Variants in PEX7 observed in about 807,000 individuals in gnomAD.
The protein encoded by PEX7 is peroxisomal biogenesis factor 7, also known as PTS2 receptor.
Under a neutral mutation model 47.5 loss-of-function variants are expected in PEX7, and 34 were observed. That is an observed-to-expected ratio of 0.72 (90% CI 0.54 to 0.95). The LOEUF (loss-of-function observed/expected upper bound fraction) is 0.95, where lower values mean the gene tolerates loss of function less well. Among genes scored for constraint, PEX7 ranks in the 40% least tolerant of loss-of-function variants. The pLI is 0.00. For missense variants in PEX7, 394 were observed against 400.3 expected, an observed-to-expected ratio of 0.98 and a Z score of 0.13; for synonymous variants, 141 against 148.8, an observed-to-expected ratio of 0.95 and a Z score of 0.38.
At position 136,822,670 on chromosome 6, in the gene PEX7, G is replaced by A; in HGVS notation, c.5G>A (p.Ser2Asn). Residue 2 changes from serine (S) to asparagine (N), a missense_variant, in exon 1 of 10, where the codon AGT becomes AAT. Coordinates refer to ENST00000318471, the MANE Select transcript of PEX7 (RefSeq NM_000288.4). ...GGGCCGGGGGCGGCGGGCGGGATGAGTGCGGTGTGCGGTGGAGCGGCGCGG... is the reference window on the plus strand; with the variant it reads ...GGGCCGGGGGCGGCGGGCGGGATGAATGCGGTGTGCGGTGGAGCGGCGCGG... Reference protein sequence around the residue: MSAVCGGAARML... With the variant: MNAVCGGAARML... The A allele has an allele frequency of 1.3e-6, 2 of 1,525,172 alleles. No homozygotes were observed. Among genetic ancestry groups the A allele is most frequent in the African/African-American group, 2.8e-5 (2 of 71,726 alleles). The allele number at this position is 1,525,172 out of a possible 1,614,324, so 94.5% of individuals were successfully genotyped here. A position where few individuals can be genotyped will look rare whatever the true frequency, so the allele number is the denominator to read the frequency against.
intron 8 of PEX7, among the ~76,000 whole-genome samples, chr6:136,891,891 C>T (rs985926181): frequency 2.6e-5 from 4 of 152,146 alleles, no homozygotes; most frequent in East Asian, 1.9e-4. Context: ...GTGATCCACC[C>T]GCCTTGCCCT....
In PEX7 at chr6:136,913,509, C is replaced by G. The variant is rs1041849205; in HGVS notation, c.955C>G (p.Leu319Val). Residue 319 changes from leucine to valine, a missense_variant, in exon 10 of 10, where the codon CTT becomes GTT. Leu to Val is a conservative substitution (Grantham distance 32, BLOSUM62 1). Transcript: ENST00000318471. ...ETIKIYDPAC[L>V]TIPA is the part of the protein sequence containing the mutation. ...AATAAAGATCTATGACCCTGCTTGT[C>G]TTACTATTCCTGCTTGAGATACACT... 6.2e-7 allele frequency: 1 copy of G among 1,610,916 alleles called. No individual in the cohort carries two copies. Among genetic ancestry groups the G allele is most frequent in the Non-Finnish European group, 8.5e-7 (1 of 1,177,452 alleles).
At chr6:136,907,540 G>C (rs559901331) in intron 9 of PEX7, among the ~76,000 whole-genome samples, 1 of 150,616 alleles carries the variant, frequency 6.6e-6, no homozygotes, top group African/African-American at 2.4e-5. Flanking sequence ...ATTCATTTTT[G>C]CTAAAGAGGC....
chr6:136,833,953 C>A (rs1774339534), intron 3 of PEX7, among the ~76,000 whole-genome samples: 1 of 152,184 alleles, frequency 6.6e-6, no homozygotes, highest in Non-Finnish European at 1.5e-5. Flanking sequence ...GTGCTGTTCT[C>A]TGATTGTAGT....
intron 1 of PEX7, chr6:136,823,433 C>T (rs1257496906): frequency 2.3e-6 from 2 of 867,510 alleles, no homozygotes; most frequent in African/African-American, 1.8e-5. Flanking sequence ...TTGGCTCAGC[C>T]TGTGGTTAAA....
At chr6:136,857,205 A>G (rs1774876472) in intron 5 of PEX7, among the ~76,000 whole-genome samples, 2 of 152,248 alleles carry the variant, frequency 1.3e-5, no homozygotes, top group Non-Finnish European at 2.9e-5. Flanking sequence ...AAGCAAATGC[A>G]GTGCTTAGAT....
At chr6:136,835,482 T>G (rs1050762286) in intron 3 of PEX7, among the ~76,000 whole-genome samples, 2 of 151,936 alleles carry the variant, frequency 1.3e-5, no homozygotes, top group African/African-American at 4.8e-5. Flanking sequence ...AGAGACAGGA[T>G]TTCACCATGT....
chr6:136,844,098 C>A (rs1774552053), intron 3 of PEX7, among the ~76,000 whole-genome samples: 1 of 152,158 alleles, frequency 6.6e-6, no homozygotes, highest in Non-Finnish European at 1.5e-5. Flanking sequence ...GGCACGGTGG[C>A]TCATGCCTGT....
At chr6:136,883,114 A>T (rs551008085) in intron 8 of PEX7, among the ~76,000 whole-genome samples, 1 of 152,348 alleles carries the variant, frequency 6.6e-6, no homozygotes, top group Non-Finnish European at 1.5e-5. Flanking sequence ...TAAGGAATTC[A>T]TGTGAAGTAA....
chr6:136,883,135 T>C (rs894941606), intron 8 of PEX7, among the ~76,000 whole-genome samples: 2 of 152,192 alleles, frequency 1.3e-5, no homozygotes, highest in Non-Finnish European at 2.9e-5. Flanking sequence ...AAAAGAAACA[T>C]CCCTAACCTA....
intron 5 of PEX7, among the ~76,000 whole-genome samples, chr6:136,859,162 A>G (rs1774914655): frequency 6.6e-6 from 1 of 152,234 alleles, no homozygotes; most frequent in Admixed American, 6.5e-5. Flanking sequence ...ATAGTTTTGC[A>G]AATCTAGCAT....
chr6:136,865,352 G>T (rs1775043926), intron 5 of PEX7, among the ~76,000 whole-genome samples: 1 of 152,260 alleles, frequency 6.6e-6, no homozygotes, highest in South Asian at 2.1e-4. Flanking sequence ...GGGTTGGAGT[G>T]CAGTGGCACA....
rs547144185 is a variant in PEX7, at chr6:136,888,189, GGTCA to G, written c.804-9947_804-9944del. 1.9e-3 allele frequency among the ~76,000 whole-genome samples: 295 copies of G among 152,186 alleles called. 1 individual carries two copies. The highest frequency in any genetic ancestry group is 4.3e-3 in the African/African-American group (177 of 41,540). The stretch of plus-strand genomic sequence containing the variant: ...CTAGTCCCCGTTACCAACAAAAAAA[GGTCA>G]GTCAGAGTAAACAGATAAGAAATGT... On this transcript the variant is annotated intron_variant, in intron 8 of 9. Coordinates refer to ENST00000318471, the MANE Select transcript of PEX7 (RefSeq NM_000288.4).
At chr6:136,896,945 G>A (rs924559135) in intron 8 of PEX7, among the ~76,000 whole-genome samples, 2 of 152,196 alleles carry the variant, frequency 1.3e-5, no homozygotes, top group Non-Finnish European at 2.9e-5. Context: ...TGCAAAGACA[G>A]TGGAGACCAC....
intron 8 of PEX7, among the ~76,000 whole-genome samples, chr6:136,878,836 T>G (rs772037975): frequency 6.6e-6 from 1 of 151,314 alleles, no homozygotes; most frequent in Non-Finnish European, 1.5e-5. Context: ...TTTGCTATGT[T>G]TCTGTGTGTG....
intron 8 of PEX7, among the ~76,000 whole-genome samples, chr6:136,879,794 CT>C (rs1775345179): frequency 6.6e-6 from 1 of 151,770 alleles, no homozygotes; most frequent in Admixed American, 6.6e-5. Flanking sequence ...CTGTCTGATA[CT>C]TTTTCCTTCT....
At chr6:136,869,571 C>T (rs769649965) in intron 6 of PEX7, among the ~76,000 whole-genome samples, 5 of 152,128 alleles carry the variant, frequency 3.3e-5, no homozygotes, top group Non-Finnish European at 5.9e-5. Context: ...TTTTTAATCC[C>T]CTATGTATTT....
rs773985421 is a variant in PEX7, at chr6:136,913,575, T to C, written c.*49T>C. On this transcript the variant is annotated 3_prime_UTR_variant, in exon 10 of 10. Coordinates refer to ENST00000318471, the MANE Select transcript of PEX7 (RefSeq NM_000288.4). Reference sequence around the variant, plus strand: ...AGAGGATGTTGGCTGAAGAACTGCCTAACAGCAAATAAATTAACTATGGAA... The same window carrying C: ...AGAGGATGTTGGCTGAAGAACTGCCCAACAGCAAATAAATTAACTATGGAA... 6 of 1,116,070 alleles carry C rather than the reference T, an allele frequency of 5.4e-6. No homozygotes were observed. Among genetic ancestry groups the C allele is most frequent in the Non-Finnish European group, 2.8e-6 (2 of 726,560 alleles). 69.1% of individuals were successfully genotyped at this position (1,116,070 alleles called of 1,614,324 possible).
chr6:136,853,316 A>G (rs1483869586), intron 5 of PEX7, among the ~76,000 whole-genome samples: 1 of 152,198 alleles, frequency 6.6e-6, no homozygotes, highest in African/African-American at 2.4e-5. Flanking sequence ...ATCCTCAAGG[A>G]GAGAGTAAGA....
Sources: gnomAD v4.1 joint callset for allele counts (sites outside exome capture counted in the v4.1 genomes callset) on GRCh38, gnomAD v4.1.1 for gene constraint, MANE v1.5 for transcripts, NCBI Gene and HGNC (gene_info 2026-07-23, HGNC 2026-07-21) for gene names.